MAP3K4: variants seen among roughly 807,000 people sequenced by gnomAD.
MAP3K4 encodes MAP three kinase 1.
MAP3K4 carries 67 observed loss-of-function variants against 185.6 expected under a neutral mutation model. That is an observed-to-expected ratio of 0.36 (90% CI 0.30 to 0.44). The LOEUF (loss-of-function observed/expected upper bound fraction) is 0.44, where lower values mean the gene tolerates loss of function less well. Among genes scored for constraint, MAP3K4 ranks in the 20% least tolerant of loss-of-function variants. The pLI is 1.00. For missense variants in MAP3K4, 1,551 were observed against 1,995.1 expected (o/e 0.78, Z 4.24); for synonymous variants, 702 against 710.4 (o/e 0.99, Z 0.19).
At chr6:161,009,950 C>G (rs967986277) in intron 1 of MAP3K4, among the ~76,000 whole-genome samples, 1 of 151,972 alleles carries the variant, frequency 6.6e-6, no homozygotes, top group African/African-American at 2.4e-5. Context: ...ATAGGTGCAG[C>G]AGACCACCAT....
At chr6:161,019,414 C>T (rs1372818144) in intron 1 of MAP3K4, among the ~76,000 whole-genome samples, 1 of 152,104 alleles carries the variant, frequency 6.6e-6, no homozygotes. Flanking sequence ...CTTAACATCT[C>T]TTTCTTTCTA....
intron 1 of MAP3K4, among the ~76,000 whole-genome samples, chr6:161,033,849 A>G (rs1270577722): frequency 1.3e-5 from 2 of 152,286 alleles, no homozygotes; most frequent in African/African-American, 2.4e-5. Flanking sequence ...GAACTTGCCC[A>G]CTCATCAATT....
At chr6:161,011,844 T>G (rs936710776) in intron 1 of MAP3K4, among the ~76,000 whole-genome samples, 1 of 152,150 alleles carries the variant, frequency 6.6e-6, no homozygotes, top group Admixed American at 6.5e-5. Flanking sequence ...ACCCTACCCA[T>G]CTGGTTTATT....
rs753897298 is a variant in MAP3K4 at position 161,111,982 on chromosome 6, T to C, written c.4519+24T>C. 6 of 1,612,478 alleles carry C rather than the reference T, an allele frequency of 3.7e-6. No homozygotes were observed. In the Admixed American group the frequency reaches 8.4e-5, roughly 22 times the overall value. ...AGGTAGGGACCAGCCTGGTTGTTCT[T>C]TGCACTCTGACTTCATGCAGCCTGC... On this transcript the variant is annotated intron_variant, in intron 24 of 26. Transcript: ENST00000392142.
At chr6:160,993,860 T>C (rs1780866448) in intron 1 of MAP3K4, among the ~76,000 whole-genome samples, 2 of 103,828 alleles carry the variant, frequency 1.9e-5, no homozygotes, top group Admixed American at 1.0e-4. Context: ...AAGATCTCAA[T>C]ATTTTTCTTA....
chr6:161,089,416 G>T lies in MAP3K4; in HGVS notation c.2918G>T (p.Cys973Phe). ...QQSIEGLMTLCQEQTSSQPVI... is the reference protein window; with the variant it reads ...QQSIEGLMTLFQEQTSSQPVI... ...TCCATTGAGGGACTTATGACTCTGT[G>T]CCAGGAGCAGACATCCAGTCAGCCG... The change falls in exon 11 of 27, where the codon TGC becomes TTC. Residue 973 changes from cysteine (C) to phenylalanine (F), a missense_variant. Cys to Phe is a radical substitution (Grantham distance 205). Transcript: ENST00000392142. 4 of 1,614,174 alleles carry T rather than the reference G, an allele frequency of 2.5e-6. No homozygotes were observed. Among genetic ancestry groups the T allele is most frequent in the Non-Finnish European group, 3.4e-6 (4 of 1,180,038 alleles).
chr6:161,116,973 C>G lies in MAP3K4; in HGVS notation c.*103C>G. The stretch of plus-strand genomic sequence containing the variant: ...AGCAGTATAAGCCTTTTTAACCTTC[C>G]AAGACTGAAGACTGCACAGGTGACA... On this transcript the variant is annotated 3_prime_UTR_variant, in exon 27 of 27. Transcript: ENST00000392142. This position sits in a 1 kb window ranked among gnomAD's most constrained non-coding sequence, Gnocchi z 6.2. 9.0e-7 allele frequency: 1 copy of G among 1,111,036 alleles called. No individual in the cohort carries two copies. Among genetic ancestry groups the G allele is most frequent in the Non-Finnish European group, 1.4e-6 (1 of 736,236 alleles). The allele number at this position is 1,111,036 out of a possible 1,614,324, so 68.8% of individuals were successfully genotyped here.
Position 161,112,827 on chromosome 6 carries a change from T to G in MAP3K4, c.4626+53T>G. The G allele has an allele frequency of 8.2e-7, 1 of 1,218,626 alleles. No individual in the cohort carries two copies. The highest frequency in any genetic ancestry group is 1.5e-5 in the African/African-American group (1 of 65,708). 75.5% of individuals were successfully genotyped at this position (1,218,626 alleles called of 1,614,324 possible). A position where few individuals can be genotyped will look rare whatever the true frequency, so the allele number is the denominator to read the frequency against. The stretch of plus-strand genomic sequence containing the variant: ...GCAACTTCAGAAGGGCACTGTGCAT[T>G]AACAGAACAGTAGTTATGGATTGAT... On this transcript the variant is annotated intron_variant, in intron 25 of 26. Coordinates refer to ENST00000392142, the MANE Select transcript of MAP3K4 (RefSeq NM_005922.4). This position sits in a 1 kb window ranked among gnomAD's most constrained non-coding sequence, Gnocchi z 5.1.
chr6:161,076,717 T>G lies in MAP3K4; in HGVS notation c.2097+3105T>G, dbSNP rs894760629. Among the ~76,000 whole-genome samples, 1 of 152,094 alleles carries G rather than the reference T, an allele frequency of 6.6e-6. No homozygotes were observed. Among genetic ancestry groups the G allele is most frequent in the Non-Finnish European group, 1.5e-5 (1 of 68,012 alleles). On this transcript the variant is annotated intron_variant, in intron 5 of 26. Coordinates refer to ENST00000392142, the MANE Select transcript of MAP3K4 (RefSeq NM_005922.4). The surrounding 1 kb of genome is among the most constrained non-coding windows in gnomAD (Gnocchi z 4.2). ...AGTTGTAGAAGAGACACAAGAGAGC[T>G]CACATGTACACAATTTGAGTTTCTG...
chr6:161,052,763 A>C (rs1784062588), intron 3 of MAP3K4, among the ~76,000 whole-genome samples: 1 of 151,948 alleles, frequency 6.6e-6, no homozygotes. Flanking sequence ...ATGTGTGTGA[A>C]TATGTGTACA....
At position 161,115,058 on chromosome 6, in the gene MAP3K4, G is replaced by T; in HGVS notation, c.4627-65G>T. The T allele has an allele frequency of 7.1e-7, 1 of 1,404,674 alleles. No homozygotes were observed. The highest frequency in any genetic ancestry group is 1.3e-5 in the South Asian group (1 of 77,530). 87.0% of individuals were successfully genotyped at this position (1,404,674 alleles called of 1,614,324 possible). A position where few individuals can be genotyped will look rare whatever the true frequency, so the allele number is the denominator to read the frequency against. On this transcript the variant is annotated intron_variant, in intron 25 of 26. Coordinates refer to ENST00000392142, the MANE Select transcript of MAP3K4 (RefSeq NM_005922.4). The surrounding 1 kb of genome is among the most constrained non-coding windows in gnomAD (Gnocchi z 6.0). ...ATGATGAGATGCTTAAAAACAGACT[G>T]AACATTTGCGTTGTTTGTGGCTGTG...
intron 1 of MAP3K4, among the ~76,000 whole-genome samples, chr6:161,029,285 A>G (rs1263316444): frequency 6.6e-6 from 1 of 152,150 alleles, no homozygotes; most frequent in Non-Finnish European, 1.5e-5. Flanking sequence ...TTGCAGAACC[A>G]CAGATGTTTT....
At chr6:161,003,081 G>A (rs1430657110) in intron 1 of MAP3K4, among the ~76,000 whole-genome samples, 4 of 152,222 alleles carry the variant, frequency 2.6e-5, no homozygotes, top group African/African-American at 9.6e-5. Flanking sequence ...TACAATTAGT[G>A]ACTTGATACA....
rs1583180891 is a variant in MAP3K4 at position 161,061,011 on chromosome 6, C to A, written c.1708-9597C>A. 2.0e-5 allele frequency among the ~76,000 whole-genome samples: 3 copies of A among 152,150 alleles called. No individual in the cohort carries two copies. The East Asian group carries it at 5.8e-4, about 29-fold the overall frequency. On this transcript the variant is annotated intron_variant, in intron 3 of 26. Transcript: ENST00000392142. The surrounding 1 kb of genome is among the most constrained non-coding windows in gnomAD (Gnocchi z 4.2). ...CCACTGTCTGTACCCCAGCATTGTT[C>A]ATTGCAGCAGAAATTGTGGCTGGTC...
At position 161,107,052 on chromosome 6, in the gene MAP3K4, A is replaced by G. The variant is rs969066486; in HGVS notation, c.4048+347A>G. Among the ~76,000 whole-genome samples the G allele has an allele frequency of 5.5e-5, 6 of 108,918 alleles. No individual in the cohort carries two copies. The highest frequency in any genetic ancestry group is 2.3e-4 in the African/African-American group (6 of 26,654). The allele number at this position is 108,918 out of a possible 152,430, so 71.5% of individuals were successfully genotyped here. A position where few individuals can be genotyped will look rare whatever the true frequency, so the allele number is the denominator to read the frequency against. ...TCTCTCTCTCTACACACGCGCGCGCACACACACACACACACACACACACAC... is the reference window on the plus strand; with the variant it reads ...TCTCTCTCTCTACACACGCGCGCGCGCACACACACACACACACACACACAC... On this transcript the variant is annotated intron_variant, in intron 20 of 26. Coordinates refer to ENST00000392142, the MANE Select transcript of MAP3K4 (RefSeq NM_005922.4). This position sits in a 1 kb window ranked among gnomAD's most constrained non-coding sequence, Gnocchi z 6.2.
Position 161,073,316 on chromosome 6 carries a change from ATGAAC to A in MAP3K4, c.1951-146_1951-142del, listed in dbSNP as rs1408898490. 13 of 619,298 alleles carry A rather than the reference ATGAAC, an allele frequency of 2.1e-5. No individual in the cohort carries two copies. The highest frequency in any genetic ancestry group is 3.1e-5 in the Non-Finnish European group (12 of 386,282). The allele number at this position is 619,298 out of a possible 1,614,324, so 38.4% of individuals were successfully genotyped here. A position where few individuals can be genotyped will look rare whatever the true frequency, so the allele number is the denominator to read the frequency against. On this transcript the variant is annotated intron_variant, in intron 4 of 26. Transcript: ENST00000392142. This position sits in a 1 kb window ranked among gnomAD's most constrained non-coding sequence, Gnocchi z 4.2. ...GAGACTACTAAGGTATTTACATAAAATGAACTGATCAAGAATCTAGAAACTATTGT... is the reference window on the plus strand; with the variant it reads ...GAGACTACTAAGGTATTTACATAAAATGATCAAGAATCTAGAAACTATTGT...
At position 161,091,313 on chromosome 6, in the gene MAP3K4, T is replaced by C. The variant is rs2114867080; in HGVS notation, c.2974-66T>C. On this transcript the variant is annotated intron_variant, in intron 11 of 26. Transcript: ENST00000392142. The surrounding 1 kb of genome is among the most constrained non-coding windows in gnomAD (Gnocchi z 5.5). The stretch of plus-strand genomic sequence containing the variant: ...TGTGTGATGATGAACGAAATCTTCC[T>C]TTAAAATGTGGTAAGTATTGTATGA... The C allele has an allele frequency of 7.3e-7, 1 of 1,363,532 alleles. No homozygotes were observed. The highest frequency in any genetic ancestry group is 1.5e-5 in the South Asian group (1 of 65,074). The allele number at this position is 1,363,532 out of a possible 1,614,324, so 84.5% of individuals were successfully genotyped here.
intron 2 of MAP3K4, among the ~76,000 whole-genome samples, chr6:161,041,281 C>G (rs948738743): frequency 6.6e-6 from 1 of 152,224 alleles, no homozygotes; most frequent in African/African-American, 2.4e-5. Context: ...CACGCTGATG[C>G]CTTCCCAGCA....
chr6:161,015,555 G>A (rs911980562), intron 1 of MAP3K4, among the ~76,000 whole-genome samples: 4 of 152,080 alleles, frequency 2.6e-5, no homozygotes, highest in African/African-American at 7.2e-5. Context: ...CTTAGATCAC[G>A]GTTCGTCAGG....
Sources: gnomAD v4.1 joint callset for allele counts (sites outside exome capture counted in the v4.1 genomes callset) on GRCh38, gnomAD v4.1.1 for gene constraint, Gnocchi (gnomAD v3.1) non-coding constraint, MANE v1.5 for transcripts, NCBI Gene and HGNC (gene_info 2026-07-23, HGNC 2026-07-21) for gene names.